RALY: variants seen among roughly 807,000 people sequenced by gnomAD.
RALY encodes RALY heterogeneous nuclear ribonucleoprotein.
RALY carries 15 observed loss-of-function variants against 30.7 expected under a neutral mutation model. That is an observed-to-expected ratio of 0.49 (90% CI 0.33 to 0.75). The LOEUF is 0.75. RALY is among the 30% of genes least tolerant of loss of function. The pLI is 0.02. For missense variants in RALY, 339 were observed against 414.3 expected, an observed-to-expected ratio of 0.82 and a Z score of 1.58; for synonymous variants, 177 against 170.8, an observed-to-expected ratio of 1.04 and a Z score of -0.28.
chr20:34,029,019 T>C (rs2032161122), intron 1 of RALY, among the ~76,000 whole-genome samples: 1 of 152,008 alleles, frequency 6.6e-6, no homozygotes, highest in African/African-American at 2.4e-5. Context: ...GTGGGTCTAA[T>C]GGATTGGAAT....
At chr20:34,027,444 C>G (rs999226702) in intron 1 of RALY, among the ~76,000 whole-genome samples, 8 of 152,238 alleles carry the variant, frequency 5.3e-5, no homozygotes, top group Admixed American at 4.6e-4. Context: ...CTTTCTGTCA[C>G]CTTGCATCAA....
intron 1 of RALY, among the ~76,000 whole-genome samples, chr20:34,020,609 A>C (rs976730605): frequency 1.3e-5 from 2 of 152,218 alleles, no homozygotes; most frequent in Non-Finnish European, 2.9e-5. Context: ...TGGTGGGGCA[A>C]ATCTAGCCCA....
At chr20:34,076,933 T>C in intron 7 of RALY, 95 bp from the exon 8 acceptor site, 4 of 1,600,828 alleles carry the variant, frequency 2.5e-6, no homozygotes, top group Non-Finnish European at 3.4e-6. Flanking sequence ...CCACCTGCAC[T>C]CACCATGCTG....
intron 1 of RALY, among the ~76,000 whole-genome samples, chr20:34,003,529 A>C (rs948453941): frequency 4.0e-5 from 6 of 151,760 alleles, no homozygotes; most frequent in African/African-American, 9.7e-5. Context: ...GGAGCAAAAG[A>C]CTGGAGGTGA....
rs142692706 is a variant in RALY at position 34,072,959 on chromosome 20, T to TGTGTGA, written c.257-603_257-602insTGTGAG. Among the ~76,000 whole-genome samples, 210 of 148,994 alleles carry TGTGTGA rather than the reference T, an allele frequency of 1.4e-3. 1 individual carries two copies. The highest frequency in any genetic ancestry group is 4.9e-3 in the African/African-American group (196 of 40,230). ...GTGTGTGTGTGTGTGTGTGTGTGTGTGAGAGAGAGAACATATTTGAATGTG... is the reference window on the plus strand; with the variant it reads ...GTGTGTGTGTGTGTGTGTGTGTGTGTGTGTGAGAGAGAGAGAACATATTTGAATGTG... On this transcript the variant is annotated intron_variant, in intron 3 of 9. Coordinates refer to ENST00000246194, the MANE Select transcript of RALY (RefSeq NM_016732.3).
intron 8 of RALY, 173 bp downstream of exon 8, chr20:34,077,418 C>T: frequency 1.4e-6 from 2 of 1,427,874 alleles, no homozygotes; most frequent in Non-Finnish European, 1.9e-6. Flanking sequence ...GGGGCACTTG[C>T]CTATCTCAGA....
At chr20:34,077,554 A>T (rs988200339) in intron 8 of RALY, 3 of 480,940 alleles carry the variant, frequency 6.2e-6, no homozygotes, top group African/African-American at 5.9e-5. Context: ...CACGGCCTGC[A>T]GAGCTTCAGA....
chr20:34,001,905 T>C (rs903242875), intron 1 of RALY, among the ~76,000 whole-genome samples: 3 of 152,166 alleles, frequency 2.0e-5, no homozygotes, highest in African/African-American at 7.2e-5. Flanking sequence ...TAGCTGGGAC[T>C]GCAGGTGCCC....
intron 2 of RALY, among the ~76,000 whole-genome samples, chr20:34,042,929 C>T (rs1374415518): frequency 6.6e-6 from 1 of 152,202 alleles, no homozygotes; most frequent in Non-Finnish European, 1.5e-5. Flanking sequence ...TTTAAGTGGT[C>T]ACACAATCAT....
intron 2 of RALY, among the ~76,000 whole-genome samples, chr20:34,067,039 G>A (rs572008382): frequency 5.8e-4 from 88 of 152,210 alleles, no homozygotes; most frequent in African/African-American, 2.0e-3. Flanking sequence ...CTGTTTTTGA[G>A]GTCCTGATTC....
At chr20:34,052,341 A>G (rs1568682134) in intron 2 of RALY, among the ~76,000 whole-genome samples, 1 of 152,180 alleles carries the variant, frequency 6.6e-6, no homozygotes, top group African/African-American at 2.4e-5. Context: ...GGAAGATTTC[A>G]TGTAACTGAC....
chr20:34,071,993 C>T (rs2033740439), intron 2 of RALY, 73 bp from the exon 3 acceptor site: 2 of 1,512,276 alleles, frequency 1.3e-6, no homozygotes, highest in Non-Finnish European at 1.8e-6. Flanking sequence ...ATTCATTTAT[C>T]CAGGATATGG....
At chr20:34,078,354 C>A in intron 8 of RALY, 151 bp from the exon 9 acceptor site, 1 of 594,888 alleles carries the variant, frequency 1.7e-6, no homozygotes, top group South Asian at 5.2e-5. Flanking sequence ...TGGCTGGTCC[C>A]ATAGTCATTC....
Position 34,038,137 on chromosome 20 carries a change from C to T in RALY, c.-10+6533C>T, listed in dbSNP as rs191555532. Among the ~76,000 whole-genome samples, 237 of 152,278 alleles carry T rather than the reference C, an allele frequency of 1.6e-3. 2 individuals carry two copies. Among genetic ancestry groups the T allele is most frequent in the African/African-American group, 5.2e-3 (217 of 41,562 alleles). On this transcript the variant is annotated intron_variant, in intron 2 of 9. Coordinates refer to ENST00000246194, the MANE Select transcript of RALY (RefSeq NM_016732.3). The stretch of plus-strand genomic sequence containing the variant: ...TGGGCTCTATGAGGTCCCGGGTTCC[C>T]CTGCTTCCTTCCCCAGTTTTCATTA...
chr20:34,073,727 G>T, intron 4 of RALY, 92 bp downstream of exon 4: 1 of 1,548,550 alleles, frequency 6.5e-7, no homozygotes, highest in Admixed American at 1.7e-5. Flanking sequence ...GCTGAATCTA[G>T]AACTTGGGGA....
intron 2 of RALY, among the ~76,000 whole-genome samples, chr20:34,046,531 G>A (rs1391853664): frequency 2.0e-5 from 3 of 152,076 alleles, no homozygotes; most frequent in East Asian, 1.9e-4. Flanking sequence ...TGCCTTTTTC[G>A]TAATACTTAA....
chr20:33,995,497 A>G (rs545220171), intron 1 of RALY, among the ~76,000 whole-genome samples: 64 of 152,210 alleles, frequency 4.2e-4, no homozygotes, highest in Non-Finnish European at 8.5e-4. Flanking sequence ...GTTAAAGTGA[A>G]CTAAAATTAA....
In RALY at chr20:34,081,495, G is replaced by GT. The variant is rs1290226776; in HGVS notation, c.*1594dup. On this transcript the variant is annotated 3_prime_UTR_variant, in exon 10 of 10. Coordinates refer to ENST00000246194, the MANE Select transcript of RALY (RefSeq NM_016732.3). ...ATCCCATCATCAAAAAGGGCTTTAG[G>GT]TTTTCCCTCCATCTTTACGTGTTGA... 1.3e-5 allele frequency: 2 copies of GT among 152,082 alleles called. No individual in the cohort carries two copies. The highest frequency in any genetic ancestry group is 2.9e-5 in the Non-Finnish European group (2 of 68,042). 9.4% of individuals were successfully genotyped at this position (152,082 alleles called of 1,614,324 possible).
At chr20:34,023,622 T>C (rs1246182581) in intron 1 of RALY, among the ~76,000 whole-genome samples, 1 of 152,034 alleles carries the variant, frequency 6.6e-6, no homozygotes, top group Non-Finnish European at 1.5e-5. Context: ...AGGCAGGGGC[T>C]CTCATGTGGA....
Sources: gnomAD v4.1 joint callset for allele counts (sites outside exome capture counted in the v4.1 genomes callset) on GRCh38, gnomAD v4.1.1 for gene constraint, MANE v1.5 for transcripts, NCBI Gene and HGNC (gene_info 2026-07-23, HGNC 2026-07-21) for gene names.